Variants in ZNF800 observed in about 807,000 individuals in gnomAD.
ZNF800 encodes the protein zinc finger protein 800.
ZNF800 carries 13 observed loss-of-function variants against 59.5 expected under a neutral mutation model. The ratio of observed to expected loss-of-function variants is 0.22; its 90% CI spans 0.14 to 0.35. The LOEUF (loss-of-function observed/expected upper bound fraction) is 0.35. Among genes scored for constraint, ZNF800 ranks in the 10% least tolerant of loss-of-function variants. The probability of loss-of-function intolerance (pLI) is 1.00; values close to 1 mark genes in which losing one functional copy is unlikely to be tolerated. For synonymous variants in ZNF800, 266 were observed against 265.7 expected (o/e 1.00, Z -0.01); for missense variants, 621 against 783.7 (o/e 0.79, Z 2.48).
In ZNF800 at chr7:127,374,351, G is replaced by C. The variant is rs763383635; in HGVS notation, c.985C>G (p.Pro329Ala). 4 of 1,613,742 alleles carry C rather than the reference G, an allele frequency of 2.5e-6. No homozygotes were observed. The South Asian group carries it at 4.4e-5, about 18-fold the overall frequency. Residue 329 changes from proline (P) to alanine (A), a missense_variant, in exon 5 of 6, where the codon CCT (proline) becomes GCT (alanine). By Grantham distance (27) the Pro-to-Ala change is conservative (BLOSUM62 -1). This residue lies in a region of ZNF800 where 185 missense variants were observed against 177.6 expected (regional missense o/e 1.04). Transcript: ENST00000265827. ...TPDIATKPGQPLFLDSISPKK... is the reference protein window; with the variant it reads ...TPDIATKPGQALFLDSISPKK... ...GGAGAAATAGAATCCAGGAACAAAG[G>C]TTGCCCAGGCTTTGTTGCTATATCA...
intron 1 of ZNF800, among the ~76,000 whole-genome samples, chr7:127,358,424 C>T (rs17865001): frequency 0.024 from 3,637 of 152,092 alleles, 129 homozygotes; most frequent in African/African-American, 0.081. Flanking sequence ...TAATTGATTT[C>T]CCTCACACAA....
At chr7:127,343,805 A>G (rs1276511569), downstream of ZNF800, among the ~76,000 whole-genome samples, 1 of 152,084 alleles carries the variant, frequency 6.6e-6, no homozygotes, top group African/African-American at 2.4e-5. Context: ...GATACATCTC[A>G]TGCAGAAATA....
rs1800630383 is a variant in ZNF800 at position 127,371,505 on chromosome 7, C to T, written c.*309G>A. 3.9e-6 allele frequency: 1 copy of T among 253,286 alleles called. No individual in the cohort carries two copies. Among genetic ancestry groups the T allele is most frequent in the African/African-American group, 2.2e-5 (1 of 45,112 alleles). 15.7% of individuals were successfully genotyped at this position (253,286 alleles called of 1,614,324 possible). A position where few individuals can be genotyped will look rare whatever the true frequency, so the allele number is the denominator to read the frequency against. On this transcript the variant is annotated 3_prime_UTR_variant, in exon 6 of 6. Coordinates refer to ENST00000265827, the MANE Select transcript of ZNF800 (RefSeq NM_176814.5). ...CTTAATCAACAAATTGTTTAGAAAACAAAATTTGTAACATTTTTGTAGAAA... is the reference window on the plus strand; with the variant it reads ...CTTAATCAACAAATTGTTTAGAAAATAAAATTTGTAACATTTTTGTAGAAA...
At chr7:127,353,980 T>C (rs1800220927) in intron 1 of ZNF800, among the ~76,000 whole-genome samples, 1 of 152,132 alleles carries the variant, frequency 6.6e-6, no homozygotes, top group Admixed American at 6.5e-5. Flanking sequence ...GTGATATGCA[T>C]TTGAGGTTGG....
intron 1 of ZNF800, chr7:127,362,042 G>A (rs547545307): frequency 3.9e-5 from 6 of 152,166 alleles, no homozygotes; most frequent in African/African-American, 1.2e-4. Flanking sequence ...TAAGGCCTCA[G>A]GCCTCAACGT....
At chr7:127,388,123 T>C (rs1226874458) in intron 2 of ZNF800, among the ~76,000 whole-genome samples, 1 of 152,104 alleles carries the variant, frequency 6.6e-6, no homozygotes, top group African/African-American at 2.4e-5. Context: ...ATTTTCACAG[T>C]ACTTAAATTA....
intron 1 of ZNF800, among the ~76,000 whole-genome samples, chr7:127,355,542 T>A (rs1261235150): frequency 1.3e-5 from 2 of 152,008 alleles, no homozygotes; most frequent in Non-Finnish European, 2.9e-5. Flanking sequence ...AACAGATTCA[T>A]AGAAGAAATA....
In ZNF800 at chr7:127,391,586, C is replaced by T. The variant is rs1459310319; in HGVS notation, c.-29G>A. The T allele has an allele frequency of 6.2e-7, 1 of 1,609,822 alleles. No homozygotes were observed. Among genetic ancestry groups the T allele is most frequent in the Non-Finnish European group, 8.5e-7 (1 of 1,176,108 alleles). ...CAGTGGACTCGACCTACTTTGCTTT[C>T]ACTGTAAGAAGCTCTTCATTGCGGC... On this transcript the variant is annotated 5_prime_UTR_variant, in exon 2 of 6. It removes the in-frame stop codon of an upstream open reading frame in the 5' UTR. Coordinates refer to ENST00000265827, the MANE Select transcript of ZNF800 (RefSeq NM_176814.5).
At chr7:127,345,335 C>G (rs1800039525), downstream of ZNF800, among the ~76,000 whole-genome samples, 1 of 150,922 alleles carries the variant, frequency 6.6e-6, no homozygotes, top group Non-Finnish European at 1.5e-5. Context: ...AATAACACTA[C>G]AAGTTGAGAT....
intron 5 of ZNF800, chr7:127,372,482 A>C (rs1168788985): frequency 1.8e-5 from 2 of 108,768 alleles, no homozygotes; most frequent in African/African-American, 3.4e-4. Context: ...CTCCGTCTCA[A>C]AAAAAAAAAA....
At chr7:127,363,254 C>G (rs1266015124) in intron 1 of ZNF800, 1 of 151,876 alleles carries the variant, frequency 6.6e-6, no homozygotes, top group African/African-American at 2.4e-5. Flanking sequence ...ATAAGGAGAA[C>G]AGCCAGACTA....
At chr7:127,343,121 T>G (rs1294693038), downstream of ZNF800, among the ~76,000 whole-genome samples, 1 of 152,036 alleles carries the variant, frequency 6.6e-6, no homozygotes, top group Non-Finnish European at 1.5e-5. Flanking sequence ...TTACGTGTCC[T>G]ATTATTAAAT....
At chr7:127,360,978 A>G (rs1216562186) in intron 1 of ZNF800, 1 of 152,110 alleles carries the variant, frequency 6.6e-6, no homozygotes, top group Non-Finnish European at 1.5e-5. Flanking sequence ...CACAAATTCT[A>G]TAGGTCACAA....
chr7:127,388,841 T>C (rs572151488), intron 2 of ZNF800, among the ~76,000 whole-genome samples: 39 of 152,306 alleles, frequency 2.6e-4, no homozygotes, highest in Admixed American at 2.6e-4. Context: ...AAAGAAACAA[T>C]TCTTCCTTCA....
chr7:127,343,157 G>A (rs1799998045), downstream of ZNF800, among the ~76,000 whole-genome samples: 4 of 151,590 alleles, frequency 2.6e-5, no homozygotes, highest in South Asian at 8.3e-4. Flanking sequence ...AATGAACTAA[G>A]CCATCAATTA....
chr7:127,389,887 A>G (rs563646964), intron 2 of ZNF800, among the ~76,000 whole-genome samples: 1 of 152,322 alleles, frequency 6.6e-6, no homozygotes, highest in Admixed American at 6.5e-5. Context: ...ACATCTTTAA[A>G]GACATTAAAG....
At chr7:127,353,106 G>T (rs185923568) in intron 1 of ZNF800, among the ~76,000 whole-genome samples, 2 of 152,056 alleles carry the variant, frequency 1.3e-5, no homozygotes, top group Admixed American at 1.3e-4. Context: ...TAAGCAAAAA[G>T]AAAAAGTCCA....
At chr7:127,384,223 ACTT>A (rs1456554098) in intron 3 of ZNF800, among the ~76,000 whole-genome samples, 8 of 69,278 alleles carry the variant, frequency 1.2e-4, no homozygotes, top group Non-Finnish European at 1.5e-4. Context: ...ACTAATTCTA[ACTT>A]CTTTTTTTTT....
chr7:127,366,371 A>G (rs1472468578), downstream of ZNF800, among the ~76,000 whole-genome samples: 1 of 152,168 alleles, frequency 6.6e-6, no homozygotes, highest in Non-Finnish European at 1.5e-5. Flanking sequence ...ACTATGCAGC[A>G]TAATTGTGGA....
Sources: allele counts gnomAD v4.1 joint callset (sites outside exome capture counted in the v4.1 genomes callset), GRCh38; gene constraint gnomAD v4.1.1; regional missense constraint gnomAD v4.1.1; transcripts MANE v1.5; gene names NCBI Gene and HGNC (gene_info 2026-07-23, HGNC 2026-07-21).